The following ANKRD22 variants were observed in gnomAD, a reference collection of about 807,000 sequenced individuals.
ANKRD22 encodes ankyrin repeat domain-containing protein 22.
Under a neutral mutation model 25.7 loss-of-function variants are expected in ANKRD22, and 24 were observed. The observed-to-expected ratio is 0.93, with a 90% CI of 0.68 to 1.31. The LOEUF is 1.31. ANKRD22 is among the 50% of genes most tolerant of loss of function. ANKRD22 has a pLI of 0.00. For synonymous variants in ANKRD22, 84 were observed against 84.3 expected (o/e 1.00, Z 0.02); for missense variants, 214 against 227.1 (o/e 0.94, Z 0.37).
At position 88,822,575 on chromosome 10, in the gene ANKRD22, G is replaced by A. The variant is rs1057429235; in HGVS notation, c.*366C>T. On this transcript the variant is annotated 3_prime_UTR_variant, in exon 6 of 6. Coordinates refer to ENST00000371930, the MANE Select transcript of ANKRD22 (RefSeq NM_144590.3). ...TTTTTTTTTTTTTTTTTGAGACAGG[G>A]TCTCGCTGTGTTGCCCTGGCTGCTC... 7.1e-5 allele frequency: 1 copy of A among 14,150 alleles called. No individual in the cohort carries two copies. 0.9% of individuals were successfully genotyped at this position (14,150 alleles called of 1,614,324 possible). A position where few individuals can be genotyped will look rare whatever the true frequency, so the allele number is the denominator to read the frequency against.
rs1843792856 is a variant in ANKRD22, at chr10:88,821,447, C to G, written c.*1494G>C. Among the ~76,000 whole-genome samples, 1 of 152,168 alleles carries G rather than the reference C, an allele frequency of 6.6e-6. No homozygotes were observed. Reference sequence around the variant, plus strand: ...TTACATTGGTACTATTTTGCAAAATCTCTGAAACCAAATCAAAGGTTTGTG... The same window carrying G: ...TTACATTGGTACTATTTTGCAAAATGTCTGAAACCAAATCAAAGGTTTGTG... On this transcript the variant is annotated 3_prime_UTR_variant, in exon 6 of 6. Transcript: ENST00000371930.
chr10:88,848,178 A>ATATATATATATATG (rs1564608536), intron 1 of ANKRD22, among the ~76,000 whole-genome samples: 34 of 69,956 alleles, frequency 4.9e-4, no homozygotes, highest in Middle Eastern at 6.5e-3. Flanking sequence ...ATATGTGTAT[A>ATATATATATATATG]TATATATGTA....
At chr10:88,845,862 C>T (rs756204758) in intron 1 of ANKRD22, among the ~76,000 whole-genome samples, 2 of 152,076 alleles carry the variant, frequency 1.3e-5, no homozygotes, top group Non-Finnish European at 2.9e-5. Flanking sequence ...ATCCTTTACC[C>T]GCTTTCCATT....
In ANKRD22 at chr10:88,826,771, G is replaced by A. The variant is rs183337847; in HGVS notation, c.322-656C>T. ...CTCTTTTTTAGCTATCCTAACACCA[G>A]TCGCCTTTCTGTATCACCCGCTTTA... On this transcript the variant is annotated intron_variant, in intron 3 of 5. Transcript: ENST00000371930. 7.8e-3 allele frequency among the ~76,000 whole-genome samples: 1,185 copies of A among 152,164 alleles called. 4 individuals carry two copies. The highest frequency in any genetic ancestry group is 0.013 in the Admixed American group (195 of 15,282).
At position 88,820,551 on chromosome 10, in the gene ANKRD22, G is replaced by A. The variant is rs1345602396; in HGVS notation, c.*2390C>T. On this transcript the variant is annotated 3_prime_UTR_variant, in exon 6 of 6. Coordinates refer to ENST00000371930, the MANE Select transcript of ANKRD22 (RefSeq NM_144590.3). ...GACAACCTCCTGAGGGATGGGGCTA[G>A]GACCCATGAAGGCAGAATTACGGAG... 1.1e-5 allele frequency: 16 copies of A among 1,501,468 alleles called. No individual in the cohort carries two copies. Among genetic ancestry groups the A allele is most frequent in the South Asian group, 7.6e-5 (6 of 78,696 alleles). The allele number at this position is 1,501,468 out of a possible 1,614,324, so 93.0% of individuals were successfully genotyped here.
chr10:88,823,234 A>T, intron 5 of ANKRD22, 46 bp downstream of exon 5: 4 of 1,500,956 alleles, frequency 2.7e-6, no homozygotes, highest in Non-Finnish European at 3.7e-6. Flanking sequence ...AGATTAGAAG[A>T]TGCTGCTGCT....
chr10:88,825,001 T>TCACACACACA lies in ANKRD22; in HGVS notation c.399+1036_399+1037insTGTGTGTGTG, dbSNP rs1450132434. 1.1e-3 allele frequency among the ~76,000 whole-genome samples: 87 copies of TCACACACACA among 81,390 alleles called. No homozygotes were observed. In the East Asian group the frequency reaches 0.025, roughly 23 times the overall value. The allele number at this position is 81,390 out of a possible 152,430, so 53.4% of individuals were successfully genotyped here. On this transcript the variant is annotated intron_variant, in intron 4 of 5. Coordinates refer to ENST00000371930, the MANE Select transcript of ANKRD22 (RefSeq NM_144590.3). Reference sequence around the variant, plus strand: ...TTTTCTTTTGCTCTCTCTCTCTCTCTCTCTCTCTCTCACACACACACACAC... The same window carrying TCACACACACA: ...TTTTCTTTTGCTCTCTCTCTCTCTCTCACACACACACTCTCTCTCTCACACACACACACAC...
chr10:88,851,700 G>A lies in ANKRD22; in HGVS notation c.-93C>T. On this transcript the variant is annotated 5_prime_UTR_variant, in exon 1 of 6. Transcript: ENST00000371930. ...TATCAAAATCCTTCCTGGCTGAGAG[G>A]AAAGTCCCTAGAAGTCCAAGCTGGT... 6.6e-7 allele frequency: 1 copy of A among 1,506,736 alleles called. No individual in the cohort carries two copies. The highest frequency in any genetic ancestry group is 1.1e-5 in the South Asian group (1 of 88,838). The allele number at this position is 1,506,736 out of a possible 1,614,324, so 93.3% of individuals were successfully genotyped here.
intron 1 of ANKRD22, among the ~76,000 whole-genome samples, chr10:88,847,508 C>T (rs1188515079): frequency 6.6e-6 from 1 of 152,158 alleles, no homozygotes; most frequent in Non-Finnish European, 1.5e-5. Flanking sequence ...ATCCACCTGC[C>T]TCAGCTTCCC....
Position 88,831,980 on chromosome 10 carries a change from C to T in ANKRD22, c.68G>A (p.Arg23Gln), listed in dbSNP as rs559515763. 1.0e-4 allele frequency: 167 copies of T among 1,613,616 alleles called. No individual in the cohort carries two copies. The Middle Eastern group carries it at 1.2e-3, about 11-fold the overall frequency. The change falls in exon 2 of 6, where the codon CGG (arginine) becomes CAG (glutamine). Residue 23 changes from arginine to glutamine, a missense_variant. Coordinates refer to ENST00000371930, the MANE Select transcript of ANKRD22 (RefSeq NM_144590.3). The part of the protein sequence containing the change: ...AYQNDFGQVW[R>Q]WVKEDSSYAN... ...ATAGCTGCTGTCTTCTTTCACCCAC[C>T]GCCACACTTGTCCAAAGTCATTCTG...
chr10:88,830,015 C>T (rs1843889769), intron 2 of ANKRD22, among the ~76,000 whole-genome samples: 1 of 152,188 alleles, frequency 6.6e-6, no homozygotes, highest in African/African-American at 2.4e-5. Flanking sequence ...TCTTGAACTC[C>T]TGGTCTCAAA....
intron 1 of ANKRD22, among the ~76,000 whole-genome samples, chr10:88,848,350 T>C (rs1338006444): frequency 1.3e-5 from 2 of 152,080 alleles, no homozygotes; most frequent in East Asian, 1.9e-4. Context: ...TCTTTTCATA[T>C]GTGAAAGTTA....
At chr10:88,845,703 CTAATGCAACCATCATT>C (rs1404382200) in intron 1 of ANKRD22, among the ~76,000 whole-genome samples, 1 of 152,108 alleles carries the variant, frequency 6.6e-6, no homozygotes, top group African/African-American at 2.4e-5. Flanking sequence ...ACCCATTAGT[CTAATGCAACCATCATT>C]ATCACTCCAT....
rs1274219479 is a variant in ANKRD22, at chr10:88,851,758, C to A, written c.-151G>T. The A allele has an allele frequency of 5.6e-5, 43 of 764,778 alleles. No homozygotes were observed. In the East Asian group the frequency reaches 1.1e-3, roughly 19 times the overall value. 47.4% of individuals were successfully genotyped at this position (764,778 alleles called of 1,614,324 possible). A position where few individuals can be genotyped will look rare whatever the true frequency, so the allele number is the denominator to read the frequency against. The stretch of plus-strand genomic sequence containing the variant: ...TCCAGGAGTGCTTTTCTAGCAAACA[C>A]CTGTCAGTGCTTTTCCAGCAGCTCA... On this transcript the variant is annotated 5_prime_UTR_variant, in exon 1 of 6. Transcript: ENST00000371930.
chr10:88,821,291 G>A lies in ANKRD22; in HGVS notation c.*1650C>T, dbSNP rs559593618. The stretch of plus-strand genomic sequence containing the variant: ...TGTCATGAGCATGATGAAACAAATT[G>A]TCATATACTTTATCCTTTAATCTTG... On this transcript the variant is annotated 3_prime_UTR_variant, in exon 6 of 6. Coordinates refer to ENST00000371930, the MANE Select transcript of ANKRD22 (RefSeq NM_144590.3). Among the ~76,000 whole-genome samples the A allele has an allele frequency of 1.2e-4, 18 of 152,330 alleles. No homozygotes were observed. In the South Asian group the frequency reaches 3.7e-3, roughly 32 times the overall value.
chr10:88,841,535 A>G (rs1047701553), intron 1 of ANKRD22, among the ~76,000 whole-genome samples: 1 of 152,168 alleles, frequency 6.6e-6, no homozygotes, highest in African/African-American at 2.4e-5. Context: ...GACTCAAGCC[A>G]GCTCCAGCCT....
At chr10:88,830,522 C>A (rs148419484) in intron 2 of ANKRD22, among the ~76,000 whole-genome samples, 1 of 152,072 alleles carries the variant, frequency 6.6e-6, no homozygotes, top group East Asian at 1.9e-4. Context: ...TATTAATGTA[C>A]AAATATTAAT....
At chr10:88,831,522 G>C (rs1843903141) in intron 2 of ANKRD22, among the ~76,000 whole-genome samples, 1 of 152,184 alleles carries the variant, frequency 6.6e-6, no homozygotes, top group African/African-American at 2.4e-5. Flanking sequence ...AGAAAGAGGG[G>C]AGAGGAAGAA....
chr10:88,850,469 A>T (rs1168435878), intron 1 of ANKRD22, among the ~76,000 whole-genome samples: 1 of 152,088 alleles, frequency 6.6e-6, no homozygotes, highest in Non-Finnish European at 1.5e-5. Flanking sequence ...ATGGTGGTAA[A>T]CAGATCACCC....
Sources: gnomAD v4.1 joint callset for allele counts (sites outside exome capture counted in the v4.1 genomes callset) on GRCh38, gnomAD v4.1.1 for gene constraint, MANE v1.5 for transcripts, NCBI Gene and HGNC (gene_info 2026-07-23, HGNC 2026-07-21) for gene names.